The following PLSCR1 variants were observed in gnomAD, a reference collection of about 807,000 sequenced individuals.
The protein encoded by PLSCR1 is PL scramblase 1.
PLSCR1 carries 17 observed loss-of-function variants against 37.8 expected under a neutral mutation model. The ratio of observed to expected loss-of-function variants is 0.45; its 90% confidence interval spans 0.31 to 0.68. The LOEUF is 0.68. Among genes scored for constraint, PLSCR1 ranks in the 30% least tolerant of loss-of-function variants. PLSCR1 has a pLI of 0.06. For synonymous variants in PLSCR1, 116 were observed against 125.9 expected, an observed-to-expected ratio of 0.92 and a Z score of 0.53; for missense variants, 347 against 380.9, an observed-to-expected ratio of 0.91 and a Z score of 0.74.
At chr3:146,521,428 C>G in intron 7 of PLSCR1, 116 bp downstream of exon 7, 1 of 851,556 alleles carries the variant, frequency 1.2e-6, no homozygotes, top group Non-Finnish European at 1.9e-6. Flanking sequence ...AGAAAATCAT[C>G]TTGCTATTGA....
chr3:146,537,099 C>T (rs991431399), intron 1 of PLSCR1, among the ~76,000 whole-genome samples: 3 of 150,810 alleles, frequency 2.0e-5, no homozygotes, highest in Non-Finnish European at 2.9e-5. Flanking sequence ...AGGCCTGAGA[C>T]GACTCCGTGC....
chr3:146,529,507 T>C (rs1028183872), intron 3 of PLSCR1, among the ~76,000 whole-genome samples: 3 of 150,174 alleles, frequency 2.0e-5, no homozygotes, highest in Non-Finnish European at 4.4e-5. Flanking sequence ...ACGTCATTTC[T>C]TTCTTTCCAT....
intron 7 of PLSCR1, among the ~76,000 whole-genome samples, chr3:146,518,641 TC>T (rs1487744890): frequency 3.9e-5 from 6 of 152,130 alleles, no homozygotes; most frequent in Non-Finnish European, 8.8e-5. Context: ...CACCGTAAAC[TC>T]AACACTATAC....
intron 4 of PLSCR1, among the ~76,000 whole-genome samples, chr3:146,527,050 T>C (rs901536141): frequency 2.0e-5 from 3 of 151,964 alleles, no homozygotes; most frequent in Non-Finnish European, 4.4e-5. Flanking sequence ...GGCAAGAGAA[T>C]AGCTTGAACC....
intron 5 of PLSCR1, among the ~76,000 whole-genome samples, chr3:146,524,733 G>A (rs1379850498): frequency 6.6e-6 from 1 of 151,822 alleles, no homozygotes; most frequent in Non-Finnish European, 1.5e-5. Flanking sequence ...AAATAATAAT[G>A]TGCTTTACAA....
intron 4 of PLSCR1, 25 bp downstream of exon 4, chr3:146,528,589 G>A (rs1469225233): frequency 1.3e-6 from 2 of 1,553,232 alleles, no homozygotes; most frequent in East Asian, 4.5e-5. Context: ...TGTTTTTTAT[G>A]AGTATTTTGT....
At chr3:146,526,168 C>T (rs114911341) in intron 4 of PLSCR1, among the ~76,000 whole-genome samples, 8,538 of 107,850 alleles carry the variant, frequency 0.079, 384 homozygotes, top group Admixed American at 0.17. Flanking sequence ...GGGCAACAAG[C>T]GTGAGACTCC....
Position 146,542,302 on chromosome 3 carries a change from C to T in PLSCR1, c.-14+2165G>A, listed in dbSNP as rs150017346. ...CCCTCCACCAACCCACTCACCCACA[C>T]GTCTATAGACTAGTTGATTTGAGAC... On this transcript the variant is annotated intron_variant, in intron 1 of 8. Coordinates refer to ENST00000342435, the MANE Select transcript of PLSCR1 (RefSeq NM_021105.3). 4.6e-3 allele frequency among the ~76,000 whole-genome samples: 707 copies of T among 152,208 alleles called. 3 individuals are homozygous for T. The highest frequency in any genetic ancestry group is 0.016 in the African/African-American group (678 of 41,510).
At chr3:146,521,794 G>A (rs1560080976) in intron 6 of PLSCR1, 39 bp downstream of exon 6, 1 of 1,580,536 alleles carries the variant, frequency 6.3e-7, no homozygotes. Flanking sequence ...AATTCTTGCT[G>A]AACTATTTTA....
intron 3 of PLSCR1, among the ~76,000 whole-genome samples, chr3:146,529,243 A>G (rs957410402): frequency 6.6e-6 from 1 of 152,192 alleles, no homozygotes; most frequent in African/African-American, 2.4e-5. Flanking sequence ...GTGAAAAATG[A>G]TAATTCTGAA....
rs2043940367 is a variant in PLSCR1 at position 146,515,971 on chromosome 3, A to T, written c.*74T>A. ...AGCTACAGGCCTTACAGCTTAATTC[A>T]TACAGGTATGAGTTTAGATAGTCTC... On this transcript the variant is annotated 3_prime_UTR_variant, in exon 9 of 9. Transcript: ENST00000342435. 7.7e-6 allele frequency: 7 copies of T among 914,310 alleles called. No individual in the cohort carries two copies. Among genetic ancestry groups the T allele is most frequent in the Admixed American group, 2.1e-5 (1 of 48,646 alleles). 56.6% of individuals were successfully genotyped at this position (914,310 alleles called of 1,614,324 possible). A position where few individuals can be genotyped will look rare whatever the true frequency, so the allele number is the denominator to read the frequency against.
intron 5 of PLSCR1, among the ~76,000 whole-genome samples, chr3:146,523,319 A>G (rs186188009): frequency 5.3e-5 from 8 of 152,322 alleles, no homozygotes; most frequent in Admixed American, 2.0e-4. Flanking sequence ...AGTTGGGGCA[A>G]TGCTGTGGGT....
At chr3:146,541,119 A>T (rs1488803218) in intron 1 of PLSCR1, 1 of 152,162 alleles carries the variant, frequency 6.6e-6, no homozygotes, top group Non-Finnish European at 1.5e-5. Context: ...GTGGCTGATT[A>T]TAAATGCAAA....
intron 2 of PLSCR1, among the ~76,000 whole-genome samples, chr3:146,535,225 A>T (rs1470422956): frequency 6.6e-6 from 1 of 152,000 alleles, no homozygotes; most frequent in Admixed American, 6.6e-5. Context: ...AATAAGCAAC[A>T]TTGTTTGAAT....
At chr3:146,520,408 G>A (rs888480168) in intron 7 of PLSCR1, among the ~76,000 whole-genome samples, 2 of 152,026 alleles carry the variant, frequency 1.3e-5, no homozygotes, top group Non-Finnish European at 2.9e-5. Flanking sequence ...TCTGGATGTA[G>A]GACAGAGATT....
chr3:146,517,196 C>CTTT, intron 7 of PLSCR1, 29 bp from the exon 8 acceptor site: 1 of 1,329,506 alleles, frequency 7.5e-7, no homozygotes, highest in Non-Finnish European at 1.0e-6. Flanking sequence ...GTATTAAATA[C>CTTT]TTTTAGGAAA....
intron 7 of PLSCR1, 69 bp from the exon 8 acceptor site, chr3:146,517,236 G>T: frequency 1.1e-6 from 1 of 871,574 alleles, no homozygotes; most frequent in Non-Finnish European, 1.7e-6. Context: ...CAAATTTGAA[G>T]TAAGATGAAA....
At chr3:146,517,875 C>T (rs923779514) in intron 7 of PLSCR1, among the ~76,000 whole-genome samples, 1 of 152,136 alleles carries the variant, frequency 6.6e-6, no homozygotes, top group African/African-American at 2.4e-5. Flanking sequence ...CAGACTAAGG[C>T]AACTCCTCTA....
chr3:146,522,281 T>C (rs1001242022), intron 5 of PLSCR1, among the ~76,000 whole-genome samples: 1 of 152,020 alleles, frequency 6.6e-6, no homozygotes, highest in African/African-American at 2.4e-5. Context: ...AAAAGAGAGA[T>C]CAGATTGTTA....
Sources: gnomAD v4.1 joint callset for allele counts (sites outside exome capture counted in the v4.1 genomes callset) on GRCh38, gnomAD v4.1.1 for gene constraint, MANE v1.5 for transcripts, NCBI Gene and HGNC (gene_info 2026-07-23, HGNC 2026-07-21) for gene names.